ZNF417: variants seen among roughly 807,000 people sequenced by gnomAD.
The protein encoded by ZNF417 is zinc finger protein 417.
In ZNF417, 5 loss-of-function variants were observed where a neutral mutation model predicts 7.4. The ratio of observed to expected loss-of-function variants is 0.68; its 90% CI spans 0.35 to 1.43. ZNF417 has a LOEUF of 1.43. Ranked by LOEUF, ZNF417 falls within the 40% of genes most tolerant of loss-of-function variation. ZNF417 has a pLI of 0.04. For missense variants in ZNF417, 437 were observed against 697.3 expected, an observed-to-expected ratio of 0.63 and a Z score of 4.20; for synonymous variants, 147 against 239.1, an observed-to-expected ratio of 0.61 and a Z score of 3.55.
rs1030609596 is a variant in ZNF417 at position 57,907,517 on chromosome 19, T to G, written c.*1033A>C. The G allele has an allele frequency of 6.5e-6, 1 of 154,858 alleles. No individual in the cohort carries two copies. The highest frequency in any genetic ancestry group is 1.5e-5 in the Non-Finnish European group (1 of 68,238). 9.6% of individuals were successfully genotyped at this position (154,858 alleles called of 1,614,324 possible). On this transcript the variant is annotated 3_prime_UTR_variant, in exon 3 of 3. Coordinates refer to ENST00000312026, the MANE Select transcript of ZNF417 (RefSeq NM_152475.3). Reference sequence around the variant, plus strand: ...AAACAAGAGAGATTCTAGGCAGCCCTCAGGGAAGCTGAGGAGGTGGCTCCC... The same window carrying G: ...AAACAAGAGAGATTCTAGGCAGCCCGCAGGGAAGCTGAGGAGGTGGCTCCC...
rs11084523 is a variant in ZNF417, at chr19:57,916,550, C to T, written c.-139G>A. ...GTCCCCCCCCAGCACTCAGGGGCCA[C>T]AAACTGGGGAAACACCCGCGTCACC... On this transcript the variant is annotated 5_prime_UTR_variant, in exon 1 of 3. The change creates a new upstream start codon in the 5' untranslated region. Transcript: ENST00000312026. 6.6e-7 allele frequency: 1 copy of T among 1,521,130 alleles called. No individual in the cohort carries two copies. Among genetic ancestry groups the T allele is most frequent in the African/African-American group, 1.4e-5 (1 of 72,324 alleles). 94.2% of individuals were successfully genotyped at this position (1,521,130 alleles called of 1,614,324 possible).
At chr19:57,913,677 A>G (rs2071919239) in intron 1 of ZNF417, among the ~76,000 whole-genome samples, 3 of 152,112 alleles carry the variant, frequency 2.0e-5, no homozygotes, top group South Asian at 4.1e-4. Context: ...GCATGCATCT[A>G]TCTCATCTAT....
chr19:57,910,540 C>A (rs188478747), intron 2 of ZNF417, among the ~76,000 whole-genome samples: 1 of 151,866 alleles, frequency 6.6e-6, no homozygotes, highest in African/African-American at 2.4e-5. Context: ...GAGCGAGACT[C>A]CATCTCAAAA....
rs1268654276 is a variant in ZNF417, at chr19:57,906,544, T to C, written c.*2006A>G. Among the ~76,000 whole-genome samples the C allele has an allele frequency of 1.3e-5, 2 of 151,702 alleles. No homozygotes were observed. The highest frequency in any genetic ancestry group is 4.8e-5 in the African/African-American group (2 of 41,300). On this transcript the variant is annotated 3_prime_UTR_variant, in exon 3 of 3. Coordinates refer to ENST00000312026, the MANE Select transcript of ZNF417 (RefSeq NM_152475.3). ...TTAGGAGGCTGAGGGGGGTGGATCA[T>C]GAGGTCACAAGTTTGAGACCAGCCT...
chr19:57,908,872 C>T lies in ZNF417; in HGVS notation c.1406G>A (p.Cys469Tyr). Residue 469 changes from cysteine to tyrosine, a missense_variant, in exon 3 of 3, where the codon TGT (cysteine) becomes TAT (tyrosine). Physicochemically the swap from Cys to Tyr is radical, Grantham distance 194. This residue lies in a region of ZNF417 where 233 missense variants were observed against 235.5 expected (regional missense o/e 0.99). Coordinates refer to ENST00000312026, the MANE Select transcript of ZNF417 (RefSeq NM_152475.3). ...TGERPYACEV[C>Y]GKLFGNKNCV... The stretch of plus-strand genomic sequence containing the variant: ...GTTCTTATTACCAAATAATTTCCCA[C>T]ATACCTCACACGCATATGGCCTTTC... 1 of 1,614,214 alleles carries T rather than the reference C, an allele frequency of 6.2e-7. No individual in the cohort carries two copies. The highest frequency in any genetic ancestry group is 8.5e-7 in the Non-Finnish European group (1 of 1,180,038).
rs764643496 is a variant in ZNF417 at position 57,908,883 on chromosome 19, C to G, written c.1395G>C (p.Ala465=). 5 of 1,612,480 alleles carry G rather than the reference C, an allele frequency of 3.1e-6. No individual in the cohort carries two copies. Among genetic ancestry groups the G allele is most frequent in the South Asian group, 1.1e-5 (1 of 91,066 alleles). Residue 465 remains alanine, a synonymous_variant, in exon 3 of 3, where the codon GCG becomes GCC. Coordinates refer to ENST00000312026, the MANE Select transcript of ZNF417 (RefSeq NM_152475.3). The part of the protein sequence containing the change: ...ERVHTGERPY[A]CEVCGKLFGN... ...CAAATAATTTCCCACATACCTCACA[C>G]GCATATGGCCTTTCTCCAGTGTGAA...
chr19:57,913,068 A>G (rs2071914113), intron 1 of ZNF417, among the ~76,000 whole-genome samples: 1 of 151,828 alleles, frequency 6.6e-6, no homozygotes, highest in African/African-American at 2.4e-5. Context: ...TATCACCTTG[A>G]TAAAACGGGC....
chr19:57,910,226 G>A, intron 2 of ZNF417, 112 bp from the exon 3 acceptor site: 1 of 1,482,836 alleles, frequency 6.7e-7, no homozygotes, highest in African/African-American at 1.4e-5. Flanking sequence ...ATATTTGCAG[G>A]AACACAATGT....
Position 57,916,399 on chromosome 19 carries a change from C to T in ZNF417, c.13G>A (p.Ala5Thr). MAAA[A>T]PRRPTQQGTV... is the part of the protein sequence containing the mutation. ...ATTACCTGAGTCGGGCGCCTCGGCGCAGCCGCTGCCATCGGACTACTTGGG... is the reference window on the plus strand; with the variant it reads ...ATTACCTGAGTCGGGCGCCTCGGCGTAGCCGCTGCCATCGGACTACTTGGG... The change falls in exon 1 of 3, where the codon GCG becomes ACG. Residue 5 changes from alanine to threonine, a missense_variant. Ala to Thr is a moderately conservative substitution (Grantham distance 58). Coordinates refer to ENST00000312026, the MANE Select transcript of ZNF417 (RefSeq NM_152475.3). 4.3e-6 allele frequency: 7 copies of T among 1,614,154 alleles called. No homozygotes were observed. Among genetic ancestry groups the T allele is most frequent in the Non-Finnish European group, 5.1e-6 (6 of 1,180,050 alleles).
At chr19:57,914,759 A>G (rs1203630561) in intron 1 of ZNF417, among the ~76,000 whole-genome samples, 4 of 152,212 alleles carry the variant, frequency 2.6e-5, no homozygotes, top group Non-Finnish European at 5.9e-5. Flanking sequence ...AGCATTTCAC[A>G]ACCTGGTAGC....
At position 57,906,659 on chromosome 19, in the gene ZNF417, G is replaced by C. The variant is rs1475509828; in HGVS notation, c.*1891C>G. ...ACCTATAGGCCCAGCTACTTGGGAG[G>C]CTGAGGCAAGAGAATCACTTGAACC... On this transcript the variant is annotated 3_prime_UTR_variant, in exon 3 of 3. Transcript: ENST00000312026. Among the ~76,000 whole-genome samples the C allele has an allele frequency of 7.1e-6, 1 of 140,962 alleles. No individual in the cohort carries two copies. The highest frequency in any genetic ancestry group is 1.5e-5 in the Non-Finnish European group (1 of 64,720). The allele number at this position is 140,962 out of a possible 152,430, so 92.5% of individuals were successfully genotyped here.
Position 57,908,415 on chromosome 19 carries a change from T to G in ZNF417, c.*135A>C, listed in dbSNP as rs927357247. The G allele has an allele frequency of 1.7e-5, 26 of 1,517,744 alleles. No individual in the cohort carries two copies. The highest frequency in any genetic ancestry group is 2.3e-5 in the Non-Finnish European group (26 of 1,111,428). The allele number at this position is 1,517,744 out of a possible 1,614,324, so 94.0% of individuals were successfully genotyped here. On this transcript the variant is annotated 3_prime_UTR_variant, in exon 3 of 3. Coordinates refer to ENST00000312026, the MANE Select transcript of ZNF417 (RefSeq NM_152475.3). ...TGAGACTCCGTTCCAATGCGAAGTC[T>G]CTTAAGACCAAGGAGAGCAGACATT... is the stretch of plus-strand genomic sequence containing the variant.
chr19:57,912,345 C>CT (rs2071906587), intron 1 of ZNF417, among the ~76,000 whole-genome samples, 156 bp from the exon 2 acceptor site: 1 of 152,158 alleles, frequency 6.6e-6, no homozygotes, highest in African/African-American at 2.4e-5. Context: ...CATGGGCCCA[C>CT]TGGTCAATTG....
chr19:57,912,302 T>C (rs2071906217), intron 1 of ZNF417, 113 bp from the exon 2 acceptor site: 3 of 1,536,568 alleles, frequency 2.0e-6, no homozygotes, highest in Non-Finnish European at 2.6e-6. Context: ...CAACATAGTG[T>C]TGAAACTATG....
rs1442357451 is a variant in ZNF417, at chr19:57,912,087, C to G, written c.136G>C (p.Glu46Gln). Reference protein sequence around the residue: ...QRCLYRDVMLENLALISSLGC... With the variant: ...QRCLYRDVMLQNLALISSLGC... ...AGCGAGGATATGAGAGCCAGGTTCT[C>G]TAGCATCACATCACGGTACAAGCAC... is the stretch of plus-strand genomic sequence containing the variant. Residue 46 changes from glutamate to glutamine, a missense_variant, in exon 2 of 3, where the codon GAG (glutamate) becomes CAG (glutamine). Glu to Gln is a conservative substitution (Grantham distance 29). Transcript: ENST00000312026. 6.3e-7 allele frequency: 1 copy of G among 1,598,156 alleles called. No homozygotes were observed. The highest frequency in any genetic ancestry group is 8.5e-7 in the Non-Finnish European group (1 of 1,169,958).
In ZNF417 at chr19:57,916,493, T is replaced by C; in HGVS notation, c.-82A>G. On this transcript the variant is annotated 5_prime_UTR_variant, in exon 1 of 3. Transcript: ENST00000312026. Reference sequence around the variant, plus strand: ...AGCCGCCTCTGGGCACCGAGGACGATTCCTCTCCACCTTCTAGGTTCAGTC... The same window carrying C: ...AGCCGCCTCTGGGCACCGAGGACGACTCCTCTCCACCTTCTAGGTTCAGTC... The C allele has an allele frequency of 2.5e-6, 4 of 1,610,136 alleles. No individual in the cohort carries two copies. The highest frequency in any genetic ancestry group is 1.7e-4 in the Middle Eastern group (1 of 5,936).
chr19:57,915,858 G>A (rs1424692669), intron 1 of ZNF417, among the ~76,000 whole-genome samples: 1 of 152,158 alleles, frequency 6.6e-6, no homozygotes, highest in African/African-American at 2.4e-5. Flanking sequence ...TAAAACCTAA[G>A]ATCAGTGCTT....
chr19:57,908,306 A>G lies in ZNF417; in HGVS notation c.*244T>C. ...GTAATCTCAGCTCCTTGGGAGGCTG[A>G]GGTAGGAGAATCACTTGAACCTGGG... On this transcript the variant is annotated 3_prime_UTR_variant, in exon 3 of 3. Coordinates refer to ENST00000312026, the MANE Select transcript of ZNF417 (RefSeq NM_152475.3). 1 of 609,318 alleles carries G rather than the reference A, an allele frequency of 1.6e-6. No homozygotes were observed. The highest frequency in any genetic ancestry group is 2.8e-6 in the Non-Finnish European group (1 of 357,612). 37.7% of individuals were successfully genotyped at this position (609,318 alleles called of 1,614,324 possible). A position where few individuals can be genotyped will look rare whatever the true frequency, so the allele number is the denominator to read the frequency against.
intron 1 of ZNF417, among the ~76,000 whole-genome samples, chr19:57,912,918 A>C (rs2071912825): frequency 6.6e-6 from 1 of 151,910 alleles, no homozygotes; most frequent in South Asian, 2.1e-4. Context: ...AGCCCCCACA[A>C]ATAAAATTAT....
Sources: gnomAD v4.1 joint callset for allele counts (sites outside exome capture counted in the v4.1 genomes callset) on GRCh38, gnomAD v4.1.1 for gene constraint, gnomAD v4.1.1 regional missense constraint, MANE v1.5 for transcripts, NCBI Gene and HGNC (gene_info 2026-07-23, HGNC 2026-07-21) for gene names.